The following ATG10 variants were observed in gnomAD, a reference collection of about 807,000 sequenced individuals.
ATG10 encodes ubiquitin-like-conjugating enzyme ATG10.
Under a neutral mutation model 32.1 loss-of-function variants are expected in ATG10, and 30 were observed. That is an observed-to-expected ratio of 0.94 (90% CI 0.70 to 1.27). The LOEUF (loss-of-function observed/expected upper bound fraction) is 1.27. Ranked by LOEUF, ATG10 falls within the 50% of genes most tolerant of loss-of-function variation. The pLI, the probability that ATG10 is intolerant of heterozygous loss-of-function variation, is 0.00. For missense variants in ATG10, 233 were observed against 262.3 expected (o/e 0.89, Z 0.77); for synonymous variants, 87 against 91.5 (o/e 0.95, Z 0.28).
At chr5:81,986,490 T>G (rs1009597079) in intron 1 of ATG10, among the ~76,000 whole-genome samples, 2 of 152,198 alleles carry the variant, frequency 1.3e-5, no homozygotes, top group African/African-American at 4.8e-5. Flanking sequence ...TAACCTTTAC[T>G]TATGCACAGT....
chr5:82,184,480 C>T (rs1194712637), intron 5 of ATG10, among the ~76,000 whole-genome samples: 1 of 151,928 alleles, frequency 6.6e-6, no homozygotes, highest in East Asian at 1.9e-4. Context: ...ACTTCTGGAC[C>T]CTAACCGATA....
intron 3 of ATG10, among the ~76,000 whole-genome samples, chr5:82,066,782 C>CA (rs1188151964): frequency 1.3e-5 from 2 of 151,896 alleles, no homozygotes; most frequent in Non-Finnish European, 2.9e-5. Flanking sequence ...TTTATATGTC[C>CA]AAAATAGACT....
At chr5:82,233,481 G>C (rs1157945540) in intron 5 of ATG10, among the ~76,000 whole-genome samples, 1 of 152,180 alleles carries the variant, frequency 6.6e-6, no homozygotes, top group African/African-American at 2.4e-5. Context: ...TTTAAAATGT[G>C]CCTCTGAGGT....
intron 2 of ATG10, among the ~76,000 whole-genome samples, chr5:82,031,129 T>C (rs1313536334): frequency 6.6e-6 from 1 of 152,160 alleles, no homozygotes; most frequent in Non-Finnish European, 1.5e-5. Flanking sequence ...AGTGGTGAGT[T>C]TGATCTCAAC....
At chr5:82,084,515 C>T (rs1421887769) in intron 3 of ATG10, among the ~76,000 whole-genome samples, 1 of 152,066 alleles carries the variant, frequency 6.6e-6, no homozygotes, top group African/African-American at 2.4e-5. Context: ...AGAGCAACTC[C>T]AAGACACATC....
chr5:82,072,351 C>T (rs1054775461), intron 3 of ATG10, among the ~76,000 whole-genome samples: 2 of 152,090 alleles, frequency 1.3e-5, no homozygotes, highest in African/African-American at 4.8e-5. Flanking sequence ...CAGCTCTGCC[C>T]AGAGGTTCTG....
At chr5:82,081,253 T>A (rs973530618) in intron 3 of ATG10, among the ~76,000 whole-genome samples, 9 of 152,226 alleles carry the variant, frequency 5.9e-5, no homozygotes, top group Non-Finnish European at 8.8e-5. Flanking sequence ...TTAAGGAGAT[T>A]TTGGGCTGAG....
At chr5:81,993,310 CCTTT>C (rs869275729) in intron 2 of ATG10, among the ~76,000 whole-genome samples, 1 of 61,430 alleles carries the variant, frequency 1.6e-5, no homozygotes, top group Admixed American at 2.4e-4. Flanking sequence ...TCCTTTCTTT[CCTTT>C]CTTTCTTTCT....
intron 3 of ATG10, among the ~76,000 whole-genome samples, chr5:82,139,575 C>A (rs1441138062): frequency 3.4e-5 from 5 of 146,702 alleles, no homozygotes; most frequent in African/African-American, 1.0e-4. Flanking sequence ...CCGGCCGCCC[C>A]GTCTGAGAAG....
chr5:82,110,443 A>G (rs933256254), intron 3 of ATG10, among the ~76,000 whole-genome samples: 3 of 152,134 alleles, frequency 2.0e-5, no homozygotes, highest in African/African-American at 7.2e-5. Context: ...CTATTTCTCC[A>G]CATCCTCTCC....
chr5:81,992,825 G>A (rs1331308900), intron 2 of ATG10, among the ~76,000 whole-genome samples: 2 of 152,152 alleles, frequency 1.3e-5, no homozygotes, highest in Non-Finnish European at 2.9e-5. Flanking sequence ...AAAGCAGTGC[G>A]AATTAATGAA....
At chr5:82,241,731 C>A (rs1738256736) in intron 5 of ATG10, among the ~76,000 whole-genome samples, 1 of 152,012 alleles carries the variant, frequency 6.6e-6, no homozygotes, top group Non-Finnish European at 1.5e-5. Flanking sequence ...CCTTCCCTTA[C>A]CAATTTACCT....
intron 2 of ATG10, among the ~76,000 whole-genome samples, chr5:82,035,101 AG>A (rs909724520): frequency 6.6e-6 from 1 of 152,010 alleles, no homozygotes; most frequent in Non-Finnish European, 1.5e-5. Context: ...TAGTAGAGAC[AG>A]GGTTTCACCA....
At chr5:82,111,027 T>C (rs1330624329) in intron 3 of ATG10, among the ~76,000 whole-genome samples, 2 of 152,010 alleles carry the variant, frequency 1.3e-5, no homozygotes, top group East Asian at 1.9e-4. Context: ...TTTAGAGTTA[T>C]GGTTTTAGGA....
At chr5:82,192,150 G>A (rs145221503) in intron 5 of ATG10, among the ~76,000 whole-genome samples, 3 of 152,342 alleles carry the variant, frequency 2.0e-5, no homozygotes, top group Non-Finnish European at 4.4e-5. Context: ...TTTTGCTGGT[G>A]GGAGTTGTAG....
chr5:82,040,478 T>G (rs1763051511), intron 2 of ATG10, among the ~76,000 whole-genome samples: 1 of 152,178 alleles, frequency 6.6e-6, no homozygotes, highest in Non-Finnish European at 1.5e-5. Flanking sequence ...TCATAAATGT[T>G]AAAAATATCA....
At chr5:82,204,718 G>C (rs1233382639) in intron 5 of ATG10, among the ~76,000 whole-genome samples, 1 of 152,148 alleles carries the variant, frequency 6.6e-6, no homozygotes, top group Non-Finnish European at 1.5e-5. Context: ...ACATTTAAGA[G>C]GTGGAATTGA....
intron 3 of ATG10, among the ~76,000 whole-genome samples, chr5:82,163,021 A>G (rs192931423): frequency 2.6e-5 from 4 of 152,258 alleles, no homozygotes; most frequent in African/African-American, 7.2e-5. Context: ...TGTAATTTTT[A>G]CCACCAAGAT....
At chr5:82,210,843 A>G (rs1745466877) in intron 5 of ATG10, among the ~76,000 whole-genome samples, 2 of 152,210 alleles carry the variant, frequency 1.3e-5, no homozygotes, top group Admixed American at 6.5e-5. Context: ...ACTCAGGACA[A>G]GAATGTATGA....
Sources: gnomAD v4.1 joint callset for allele counts (sites outside exome capture counted in the v4.1 genomes callset) on GRCh38, gnomAD v4.1.1 for gene constraint, MANE v1.5 for transcripts, NCBI Gene and HGNC (gene_info 2026-07-23, HGNC 2026-07-21) for gene names.